MTMR7: variants seen among roughly 807,000 people sequenced by gnomAD.
MTMR7 encodes phosphatidylinositol-3-phosphate phosphatase MTMR7.
A neutral mutation model predicts 81.2 loss-of-function variants in MTMR7; 76 were observed. That is an observed-to-expected ratio of 0.94 (90% CI 0.78 to 1.13). MTMR7 has a LOEUF of 1.13. MTMR7 is among the 50% of genes most tolerant of loss of function. The pLI is 0.00. For synonymous variants in MTMR7, 372 were observed against 289.8 expected (o/e 1.28, Z -2.88); for missense variants, 1,044 against 820.0 (o/e 1.27, Z -3.34).
chr8:17,306,066 A>G (rs1213054765), intron 10 of MTMR7, 109 bp from the exon 11 acceptor site: 8 of 858,974 alleles, frequency 9.3e-6, no homozygotes, highest in Non-Finnish European at 1.4e-5. Flanking sequence ...AATAAATCTT[A>G]TCTTACAAAC....
intron 5 of MTMR7, among the ~76,000 whole-genome samples, chr8:17,346,553 C>T (rs1819556217): frequency 1.3e-5 from 2 of 152,126 alleles, no homozygotes; most frequent in African/African-American, 2.4e-5. Flanking sequence ...GAAGAAGCTG[C>T]CTCTGAGGTC....
At chr8:17,310,477 T>C (rs1009855053) in intron 9 of MTMR7, among the ~76,000 whole-genome samples, 1 of 152,162 alleles carries the variant, frequency 6.6e-6, no homozygotes, top group African/African-American at 2.4e-5. Flanking sequence ...TGAGAACAAG[T>C]TGATGATGGA....
intron 10 of MTMR7, 25 bp from the exon 11 acceptor site, chr8:17,305,982 T>G (rs779636235): frequency 1.3e-6 from 2 of 1,554,964 alleles, no homozygotes; most frequent in Non-Finnish European, 1.8e-6. Flanking sequence ...ATTAGAGACT[T>G]TTTAAGGCAG....
intron 1 of MTMR7, among the ~76,000 whole-genome samples, chr8:17,403,323 T>C (rs1257577431): frequency 3.3e-5 from 5 of 152,222 alleles, no homozygotes; most frequent in African/African-American, 7.2e-5. Flanking sequence ...GCACCATTTA[T>C]TGAAGAGACT....
intron 1 of MTMR7, among the ~76,000 whole-genome samples, chr8:17,409,436 C>T (rs1360789112): frequency 2.0e-5 from 3 of 152,134 alleles, no homozygotes; most frequent in East Asian, 3.9e-4. Flanking sequence ...TGCACTCCAG[C>T]CTGGGCCACA....
chr8:17,352,883 C>T (rs1241393679), intron 4 of MTMR7, among the ~76,000 whole-genome samples: 6 of 152,134 alleles, frequency 3.9e-5, no homozygotes, highest in Admixed American at 1.3e-4. Context: ...TGGACAACAG[C>T]ATGGAGGCTC....
intron 1 of MTMR7, among the ~76,000 whole-genome samples, chr8:17,377,762 T>G (rs1332563448): frequency 6.6e-6 from 1 of 152,158 alleles, no homozygotes; most frequent in African/African-American, 2.4e-5. Context: ...ATAATTGCAC[T>G]TTTTATTTCT....
At chr8:17,334,092 G>T (rs1274009922) in intron 6 of MTMR7, among the ~76,000 whole-genome samples, 1 of 152,156 alleles carries the variant, frequency 6.6e-6, no homozygotes, top group East Asian at 1.9e-4. Context: ...AAGCAAAGCA[G>T]CAACACAAAT....
At position 17,413,350 on chromosome 8, in the gene MTMR7, C is replaced by G. The variant is rs538553312; in HGVS notation, c.-58G>C. Reference sequence around the variant, plus strand: ...CGCGGCCTCACGCACCTGCGCGCCTCTGCGGCGCGATGGGAGGGGCGCGGG... The same window carrying G: ...CGCGGCCTCACGCACCTGCGCGCCTGTGCGGCGCGATGGGAGGGGCGCGGG... On this transcript the variant is annotated 5_prime_UTR_variant, in exon 1 of 14. Coordinates refer to ENST00000180173, the MANE Select transcript of MTMR7 (RefSeq NM_004686.5). The G allele has an allele frequency of 3.4e-4, 508 of 1,478,108 alleles. 8 individuals are homozygous for G. In the South Asian group the frequency reaches 6.5e-3, roughly 19 times the overall value. 91.6% of individuals were successfully genotyped at this position (1,478,108 alleles called of 1,614,324 possible). A position where few individuals can be genotyped will look rare whatever the true frequency, so the allele number is the denominator to read the frequency against.
rs1208301445 is a variant in MTMR7, at chr8:17,349,060, C to G, written c.490G>C (p.Glu164Gln). The G allele has an allele frequency of 1.2e-6, 2 of 1,611,972 alleles. No homozygotes were observed. The highest frequency in any genetic ancestry group is 1.7e-6 in the Non-Finnish European group (2 of 1,179,704). Residue 164 changes from glutamate (E) to glutamine (Q), a missense_variant, in exon 5 of 14, where the codon GAA (glutamate) becomes CAA (glutamine). Glu to Gln is a conservative substitution (Grantham distance 29). Coordinates refer to ENST00000180173, the MANE Select transcript of MTMR7 (RefSeq NM_004686.5). ...GTGGCCGATTTGGGAACGTACAGTTCAGTAGGATAAGAGTCACAGACCTGT... is the reference window on the plus strand; with the variant it reads ...GTGGCCGATTTGGGAACGTACAGTTGAGTAGGATAAGAGTCACAGACCTGT... ...DYRVCDSYPT[E>Q]LYVPKSATAH...
intron 13 of MTMR7, among the ~76,000 whole-genome samples, chr8:17,301,294 T>A (rs13267905): frequency 6.6e-6 from 1 of 151,884 alleles, no homozygotes; most frequent in Non-Finnish European, 1.5e-5. Flanking sequence ...AGGGATGAAG[T>A]GGTAAGGTTA....
chr8:17,357,255 A>G (rs1819923587), intron 4 of MTMR7, among the ~76,000 whole-genome samples: 1 of 152,262 alleles, frequency 6.6e-6, no homozygotes, highest in South Asian at 2.1e-4. Flanking sequence ...AAGTAGAAAT[A>G]ATAATACTAC....
rs1441170971 is a variant in MTMR7 at position 17,298,735 on chromosome 8, G to C, written c.*1127C>G. ...AAACATGGCCACTTTTCCCCACTAA[G>C]TTTAATTTAGGTCACCTAGTGAAGT... On this transcript the variant is annotated 3_prime_UTR_variant, in exon 14 of 14. Coordinates refer to ENST00000180173, the MANE Select transcript of MTMR7 (RefSeq NM_004686.5). The C allele has an allele frequency of 6.6e-6, 1 of 152,538 alleles. No individual in the cohort carries two copies. The highest frequency in any genetic ancestry group is 6.6e-5 in the Admixed American group (1 of 15,260). The allele number at this position is 152,538 out of a possible 1,614,324, so 9.4% of individuals were successfully genotyped here. A position where few individuals can be genotyped will look rare whatever the true frequency, so the allele number is the denominator to read the frequency against.
rs112483817 is a variant in MTMR7 at position 17,408,891 on chromosome 8, T to C, written c.24+4378A>G. Among the ~76,000 whole-genome samples, 1,486 of 152,272 alleles carry C rather than the reference T, an allele frequency of 9.8e-3. 31 individuals carry two copies. The highest frequency in any genetic ancestry group is 0.032 in the African/African-American group (1,347 of 41,546). On this transcript the variant is annotated intron_variant, in intron 1 of 13. Transcript: ENST00000180173. The stretch of plus-strand genomic sequence containing the variant: ...GTGACAAAAGTGTTCTAGAACCAGA[T>C]GGTGGTGATGTCTGCACAATATGTA...
Position 17,370,979 on chromosome 8 carries a change from C to T in MTMR7, c.310+58G>A, listed in dbSNP as rs1009797069. 3.2e-6 allele frequency: 5 copies of T among 1,559,688 alleles called. No homozygotes were observed. The Middle Eastern group carries it at 5.2e-4, about 162-fold the overall frequency. On this transcript the variant is annotated intron_variant, in intron 3 of 13. Transcript: ENST00000180173. ...CTAAGCACCATACAAATTCTTGAAT[C>T]TGATTTGCAAATTTTTAAGAGAGGT...
At chr8:17,354,202 A>G (rs982621150) in intron 4 of MTMR7, among the ~76,000 whole-genome samples, 9 of 152,170 alleles carry the variant, frequency 5.9e-5, no homozygotes, top group African/African-American at 9.7e-5. Flanking sequence ...ATTTCAAGGA[A>G]TTTATGATGA....
chr8:17,383,830 C>A (rs2150573870), intron 1 of MTMR7, among the ~76,000 whole-genome samples: 1 of 152,104 alleles, frequency 6.6e-6, no homozygotes, highest in Non-Finnish European at 1.5e-5. Context: ...AAGTGTGCAC[C>A]AGCATGTTTC....
intron 2 of MTMR7, among the ~76,000 whole-genome samples, chr8:17,372,276 T>C (rs901586755): frequency 1.2e-4 from 19 of 152,102 alleles, no homozygotes; most frequent in Admixed American, 8.5e-4. Context: ...GATGTCATGA[T>C]TGGGTTGCTG....
chr8:17,348,828 AT>A, intron 5 of MTMR7, 124 bp downstream of exon 5: 1 of 1,143,358 alleles, frequency 8.7e-7, no homozygotes, highest in Admixed American at 1.8e-5. Flanking sequence ...ATGCACAGGA[AT>A]ATCCACATAC....
Sources: gnomAD v4.1 joint callset for allele counts (sites outside exome capture counted in the v4.1 genomes callset) on GRCh38, gnomAD v4.1.1 for gene constraint, MANE v1.5 for transcripts, NCBI Gene and HGNC (gene_info 2026-07-23, HGNC 2026-07-21) for gene names.